Variants in TEX11 observed in about 807,000 individuals in gnomAD.
TEX11 encodes testis expressed 11, also known as testis-expressed protein 11.
A neutral mutation model predicts 84.4 loss-of-function variants in TEX11; 7 were observed. The ratio of observed to expected loss-of-function variants is 0.08; its 90% CI spans 0.05 to 0.16. The LOEUF (loss-of-function observed/expected upper bound fraction) is 0.16. TEX11 is among the 10% of genes least tolerant of loss of function. The probability of loss-of-function intolerance (pLI) is 1.00; values close to 1 mark genes in which losing one functional copy is unlikely to be tolerated. For synonymous variants in TEX11, 264 were observed against 222.8 expected (o/e 1.18, Z -1.64); for missense variants, 551 against 660.5 (o/e 0.83, Z 1.82).
intron 25 of TEX11, among the ~76,000 whole-genome samples, chrX:70,566,572 C>T (rs989995830): frequency 9.0e-6 from 1 of 111,196 alleles, no homozygotes; most frequent in African/African-American, 3.3e-5. Context: ...TTTTGAAATA[C>T]ATCCCATCAA....
chrX:70,609,353 T>A (rs2089233014), intron 21 of TEX11, among the ~76,000 whole-genome samples, 176 bp from the exon 22 acceptor site: 1 of 112,513 alleles, frequency 8.9e-6, no homozygotes, highest in South Asian at 3.7e-4. Flanking sequence ...ATTACCAAGT[T>A]CCAAGAAGTT....
At chrX:70,833,169 C>T (rs763357754) in intron 8 of TEX11, among the ~76,000 whole-genome samples, 4 of 108,229 alleles carry the variant, frequency 3.7e-5, no homozygotes, top group Non-Finnish European at 7.6e-5. Context: ...ACTCAGGAGG[C>T]TGAGGCACAA....
rs770111460 is a variant in TEX11 at position 70,741,823 on chromosome X, C to T, written c.748-1027G>A. On this transcript the variant is annotated intron_variant, in intron 10 of 29. Coordinates refer to ENST00000374333, the MANE Select transcript of TEX11 (RefSeq NM_031276.3). ...CCTGTCTCCTACCAAAAGGCTCCTA[C>T]AACTACTCTAGCTAATCTTGATAAT... 2.7e-5 allele frequency among the ~76,000 whole-genome samples: 3 copies of T among 111,195 alleles called. No individual in the cohort carries two copies. In the South Asian group the frequency reaches 1.1e-3, roughly 43 times the overall value.
chrX:70,642,960 G>T (rs1603184565), intron 17 of TEX11, among the ~76,000 whole-genome samples: 1 of 43,878 alleles, frequency 2.3e-5, no homozygotes, highest in Non-Finnish European at 4.3e-5. Context: ...TATTCAATTA[G>T]GAAAAGAGGA....
At chrX:70,547,027 C>CAAA (rs58220663) in intron 28 of TEX11, among the ~76,000 whole-genome samples, 107 of 33,814 alleles carry the variant, frequency 3.2e-3, no homozygotes, top group East Asian at 7.8e-3. Flanking sequence ...TATTATTCAG[C>CAAA]AAAAAAAAAA....
chrX:70,855,002 C>T (rs746387821), intron 5 of TEX11, among the ~76,000 whole-genome samples: 1 of 109,890 alleles, frequency 9.1e-6, no homozygotes, highest in Non-Finnish European at 1.9e-5. Context: ...GAGCCAAGAT[C>T]GCGCCATTGC....
the TEX11 span, among the ~76,000 whole-genome samples, chrX:70,521,863 A>AT: frequency 2.8e-4 from 29 of 104,659 alleles, no homozygotes; most frequent in East Asian, 6.0e-4. Flanking sequence ...ATGACTTAAA[A>AT]TTTTTTTTTT....
intron 8 of TEX11, among the ~76,000 whole-genome samples, chrX:70,820,586 A>G: frequency 8.9e-6 from 1 of 111,851 alleles, no homozygotes; most frequent in Non-Finnish European, 1.9e-5. Context: ...GCTTATAATC[A>G]TGGCCAGCTT....
At chrX:70,513,366 A>AT in the TEX11 span, among the ~76,000 whole-genome samples, 1 of 98,834 alleles carries the variant, frequency 1.0e-5, no homozygotes, top group Non-Finnish European at 1.9e-5. Context: ...AAAAAAAAGG[A>AT]TATATATATA....
chrX:70,788,965 TATATATATAGAGAGAGAGAGAG>T (rs1255827668), intron 9 of TEX11, among the ~76,000 whole-genome samples: 949 of 39,761 alleles, frequency 0.024, 5 homozygotes, highest in Non-Finnish European at 0.03. Context: ...TATATATATA[TATATATATAGAGAGAGAGAGAG>T]AGAGAGAGAG....
At chrX:70,578,969 G>A (rs62608033) in intron 25 of TEX11, among the ~76,000 whole-genome samples, 21,078 of 105,776 alleles carry the variant, frequency 0.2, 1,795 homozygotes, top group African/African-American at 0.23. Flanking sequence ...ACAGGGTTTC[G>A]CCATGTTGGC....
intron 9 of TEX11, among the ~76,000 whole-genome samples, chrX:70,755,702 A>G (rs1196936462): frequency 8.9e-6 from 1 of 112,207 alleles, no homozygotes; most frequent in Non-Finnish European, 1.9e-5. Flanking sequence ...TGATTTCTGC[A>G]TTTCCAACTG....
intron 8 of TEX11, among the ~76,000 whole-genome samples, chrX:70,830,430 C>T (rs2091371277): frequency 9.0e-6 from 1 of 110,999 alleles, no homozygotes; most frequent in South Asian, 3.8e-4. Flanking sequence ...GGATATGACC[C>T]CCACAGGTGA....
intron 9 of TEX11, among the ~76,000 whole-genome samples, chrX:70,759,765 A>G (rs1490651951): frequency 1.8e-5 from 2 of 111,531 alleles, no homozygotes; most frequent in Non-Finnish European, 3.8e-5. Context: ...TCTGGCCAGG[A>G]CAATCAGGCA....
chrX:70,785,593 A>T (rs1453374760), intron 9 of TEX11, among the ~76,000 whole-genome samples: 1 of 112,218 alleles, frequency 8.9e-6, no homozygotes, highest in African/African-American at 3.2e-5. Context: ...AATACGCAGA[A>T]TCTACAATGT....
rs141369827 is a variant in TEX11 at position 70,849,972 on chromosome X, A to G, written c.525+3062T>C. Among the ~76,000 whole-genome samples the G allele has an allele frequency of 2.7e-3, 298 of 112,030 alleles. 1 individual carries two copies. Among genetic ancestry groups the G allele is most frequent in the African/African-American group, 9.2e-3 (283 of 30,925 alleles). ...AATGAAGGAATTCCTTCTGCAATGT[A>G]TAATTCTTAGGATATTCACACCTTT... On this transcript the variant is annotated intron_variant, in intron 7 of 29. Transcript: ENST00000374333.
intron 9 of TEX11, among the ~76,000 whole-genome samples, chrX:70,782,700 A>G (rs2091049221): frequency 1.9e-5 from 2 of 107,396 alleles, no homozygotes; most frequent in African/African-American, 3.4e-5. Context: ...GATAAAACAC[A>G]CTTTAAACCA....
At chrX:70,898,553 T>C (rs899050900) in intron 2 of TEX11, among the ~76,000 whole-genome samples, 2 of 111,333 alleles carry the variant, frequency 1.8e-5, no homozygotes, top group Admixed American at 1.9e-4. Context: ...CTGTATGGCA[T>C]ACTAAGAAAG....
chrX:70,900,392 A>AG (rs1306462034), intron 2 of TEX11, among the ~76,000 whole-genome samples: 18 of 26,957 alleles, frequency 6.7e-4, no homozygotes, highest in Non-Finnish European at 1.6e-3. Flanking sequence ...AAAAAAAAAA[A>AG]AAAAAGAAGA....
Sources: gnomAD v4.1 joint callset for allele counts (sites outside exome capture counted in the v4.1 genomes callset) on GRCh38, gnomAD v4.1.1 for gene constraint, MANE v1.5 for transcripts, NCBI Gene and HGNC (gene_info 2026-07-23, HGNC 2026-07-21) for gene names.